UBTD1: variants seen among roughly 807,000 people sequenced by gnomAD.
UBTD1 encodes the protein ubiquitin domain-containing protein 1.
UBTD1 carries 19 observed loss-of-function variants against 21.7 expected under a neutral mutation model. The observed-to-expected ratio is 0.87, with a 90% CI of 0.61 to 1.28. The LOEUF is 1.28. UBTD1 is among the 50% of genes most tolerant of loss of function. The probability of loss-of-function intolerance (pLI) is 0.00; values close to 1 mark genes in which losing one functional copy is unlikely to be tolerated. For missense variants in UBTD1, 282 were observed against 315.1 expected (o/e 0.89, Z 0.80); for synonymous variants, 116 against 135.1 (o/e 0.86, Z 0.98).
At chr10:97,504,324 C>T (rs914131613) in intron 1 of UBTD1, among the ~76,000 whole-genome samples, 2 of 146,346 alleles carry the variant, frequency 1.4e-5, no homozygotes, top group Non-Finnish European at 3.0e-5. Context: ...GCTCAAGCCT[C>T]CTGTGACACT....
At chr10:97,558,452 C>T (rs536571022) in intron 1 of UBTD1, among the ~76,000 whole-genome samples, 5 of 152,296 alleles carry the variant, frequency 3.3e-5, no homozygotes, top group African/African-American at 1.2e-4. Flanking sequence ...GCCGTTGCTA[C>T]CAGGGCCTTT....
intron 2 of UBTD1, among the ~76,000 whole-genome samples, chr10:97,568,912 C>T (rs528772933): frequency 1.3e-5 from 2 of 152,258 alleles, no homozygotes; most frequent in Admixed American, 6.5e-5. Flanking sequence ...CAACCTGCGC[C>T]GCCTGGGTTC....
intron 1 of UBTD1, among the ~76,000 whole-genome samples, chr10:97,561,406 C>T (rs889203756): frequency 6.6e-6 from 1 of 152,134 alleles, no homozygotes; most frequent in African/African-American, 2.4e-5. Context: ...GGAGCATCTG[C>T]AAGCTACTGC....
intron 1 of UBTD1, among the ~76,000 whole-genome samples, chr10:97,518,556 C>T (rs2040454236): frequency 6.6e-6 from 1 of 152,240 alleles, no homozygotes; most frequent in South Asian, 2.1e-4. Context: ...TCTGGCAGAG[C>T]TGCCTGCTCT....
intron 1 of UBTD1, among the ~76,000 whole-genome samples, chr10:97,535,353 C>A (rs570632759): frequency 2.0e-5 from 3 of 152,176 alleles, no homozygotes; most frequent in African/African-American, 7.2e-5. Context: ...TGGTGGCTCA[C>A]GCCTGTAATC....
intron 1 of UBTD1, among the ~76,000 whole-genome samples, chr10:97,512,692 A>T (rs78769455): frequency 0.023 from 3,489 of 152,328 alleles, 108 homozygotes; most frequent in East Asian, 0.073. Flanking sequence ...GCTGTGACAC[A>T]TGTCCCATGG....
rs2040534854 is a variant in UBTD1 at position 97,532,163 on chromosome 10, A to C, written c.70+32890A>C. ...GGCCGGGAGAGCAGCCAGTGGAGGG[A>C]GCACCTTGGGTCAAGGCGCTCTCAG... On this transcript the variant is annotated intron_variant, in intron 1 of 2. Coordinates refer to ENST00000370664, the MANE Select transcript of UBTD1 (RefSeq NM_024954.5). Among the ~76,000 whole-genome samples, 7 of 152,224 alleles carry C rather than the reference A, an allele frequency of 4.6e-5. No homozygotes were observed. The South Asian group carries it at 1.5e-3, about 32-fold the overall frequency.
At chr10:97,545,338 C>A (rs78636545) in intron 1 of UBTD1, among the ~76,000 whole-genome samples, 87 of 126,788 alleles carry the variant, frequency 6.9e-4, no homozygotes, top group South Asian at 7.8e-4. Flanking sequence ...GACTCCGTCT[C>A]AAAAAAAAAA....
At chr10:97,525,755 G>C (rs1167113999) in intron 1 of UBTD1, among the ~76,000 whole-genome samples, 1 of 152,318 alleles carries the variant, frequency 6.6e-6, no homozygotes, top group South Asian at 2.1e-4. Context: ...TGCATTGTCT[G>C]TCTCTCCTGC....
chr10:97,559,711 T>C (rs1409161824), intron 1 of UBTD1, among the ~76,000 whole-genome samples: 2 of 152,210 alleles, frequency 1.3e-5, no homozygotes, highest in Admixed American at 6.5e-5. Flanking sequence ...TTTATAATTT[T>C]TGTAAAAGAG....
chr10:97,502,152 A>T (rs1052061037), intron 1 of UBTD1, among the ~76,000 whole-genome samples: 1 of 152,040 alleles, frequency 6.6e-6, no homozygotes, highest in Non-Finnish European at 1.5e-5. Flanking sequence ...AGCAAACTCA[A>T]CTTCATCCTA....
chr10:97,521,692 C>T (rs2040467508), intron 1 of UBTD1, among the ~76,000 whole-genome samples: 2 of 152,236 alleles, frequency 1.3e-5, no homozygotes, highest in South Asian at 4.1e-4. Context: ...TCCCTGATCT[C>T]CCTGAAGCCC....
intron 1 of UBTD1, among the ~76,000 whole-genome samples, chr10:97,563,033 G>A (rs1157762068): frequency 6.6e-6 from 1 of 152,052 alleles, no homozygotes; most frequent in East Asian, 1.9e-4. Flanking sequence ...AGATTTGGGG[G>A]TAAAGGGTAA....
chr10:97,563,210 A>G (rs1471186876), intron 1 of UBTD1, among the ~76,000 whole-genome samples: 1 of 152,212 alleles, frequency 6.6e-6, no homozygotes, highest in East Asian at 1.9e-4. Context: ...CAGGACATCC[A>G]ATTAGAGAGT....
At chr10:97,531,306 G>A (rs1407551828) in intron 1 of UBTD1, among the ~76,000 whole-genome samples, 4 of 151,570 alleles carry the variant, frequency 2.6e-5, no homozygotes, top group Non-Finnish European at 5.9e-5. Context: ...CACCTCTTGG[G>A]CTCAAGTGAT....
At chr10:97,524,699 C>T (rs1283790668) in intron 1 of UBTD1, among the ~76,000 whole-genome samples, 5 of 152,230 alleles carry the variant, frequency 3.3e-5, no homozygotes, top group Admixed American at 1.3e-4. Context: ...ATGTCCTCAA[C>T]GTGAACAGAC....
intron 1 of UBTD1, among the ~76,000 whole-genome samples, chr10:97,509,918 T>A (rs989709955): frequency 1.3e-5 from 2 of 151,600 alleles, no homozygotes; most frequent in Non-Finnish European, 2.9e-5. Context: ...CCCAAAGTGT[T>A]GGGATTACAG....
intron 1 of UBTD1, among the ~76,000 whole-genome samples, chr10:97,541,728 A>ATTTT (rs975827062): frequency 3.7e-4 from 37 of 98,878 alleles, no homozygotes; most frequent in African/African-American, 1.1e-3. Context: ...GTCCTCTCTG[A>ATTTT]TTTTTTTTTT....
At chr10:97,538,891 C>T (rs138840463) in intron 1 of UBTD1, among the ~76,000 whole-genome samples, 13 of 152,296 alleles carry the variant, frequency 8.5e-5, no homozygotes, top group African/African-American at 2.6e-4. Context: ...GAGCGCTGCA[C>T]AGGTCTTTCC....
Sources: allele counts gnomAD v4.1 joint callset (sites outside exome capture counted in the v4.1 genomes callset), GRCh38; gene constraint gnomAD v4.1.1; transcripts MANE v1.5; gene names NCBI Gene and HGNC (gene_info 2026-07-23, HGNC 2026-07-21).